The following SEC14L6 variants were observed in gnomAD, a reference collection of about 807,000 sequenced individuals.
SEC14L6 encodes the protein SEC14 like lipid binding 6.
SEC14L6 carries 40 observed loss-of-function variants against 54.1 expected under a neutral mutation model. That is an observed-to-expected ratio of 0.74 (90% CI 0.57 to 0.96). SEC14L6 has a LOEUF of 0.96. SEC14L6 is among the 40% of genes least tolerant of loss of function. The pLI, the probability that SEC14L6 is intolerant of heterozygous loss-of-function variation, is 0.00. For synonymous variants in SEC14L6, 171 were observed against 198.4 expected (o/e 0.86, Z 1.16); for missense variants, 471 against 498.3 (o/e 0.95, Z 0.52).
intron 1 of SEC14L6, among the ~76,000 whole-genome samples, chr22:30,542,140 C>G (rs892074066): frequency 6.6e-6 from 1 of 152,174 alleles, no homozygotes. Flanking sequence ...CCTCCCCATC[C>G]GTCTCGCGAC....
chr22:30,545,075 G>C (rs141325068), intron 1 of SEC14L6, among the ~76,000 whole-genome samples: 4 of 152,084 alleles, frequency 2.6e-5, no homozygotes, highest in African/African-American at 7.2e-5. Flanking sequence ...CCAAGGACCC[G>C]TCGTTGCCTC....
rs1390510473 is a variant in SEC14L6, at chr22:30,525,188, T to C, written c.1082-79A>G. ...CCATGGTGGTAAATCTCTGCGTGGG[T>C]ACCCAGACCAGGGAACCATTGCCAC... On this transcript the variant is annotated intron_variant, in intron 11 of 11. Transcript: ENST00000402034. 2.1e-5 allele frequency: 27 copies of C among 1,265,258 alleles called. No individual in the cohort carries two copies. In the South Asian group the frequency reaches 2.9e-4, roughly 13 times the overall value. The allele number at this position is 1,265,258 out of a possible 1,614,324, so 78.4% of individuals were successfully genotyped here.
At chr22:30,546,403 AAAAG>A (rs1471549697) in intron 1 of SEC14L6, among the ~76,000 whole-genome samples, 108 of 151,670 alleles carry the variant, frequency 7.1e-4, no homozygotes, top group Non-Finnish European at 1.3e-3. Context: ...AAAAAAAAAA[AAAAG>A]GAAGAAAGAA....
chr22:30,544,527 C>T (rs2085779270), intron 1 of SEC14L6, among the ~76,000 whole-genome samples: 1 of 152,148 alleles, frequency 6.6e-6, no homozygotes, highest in African/African-American at 2.4e-5. Context: ...GGAAGATTTC[C>T]CCTTTAGATC....
intron 1 of SEC14L6, chr22:30,542,802 A>G (rs2085748226): frequency 1.9e-6 from 3 of 1,594,874 alleles, no homozygotes; most frequent in East Asian, 2.2e-5. Context: ...CAGGCCGGAA[A>G]TTAATCTACC....
In SEC14L6 at chr22:30,538,850, T is replaced by C. The variant is rs183206173; in HGVS notation, c.107A>G (p.Tyr36Cys). 9.3e-5 allele frequency: 145 copies of C among 1,557,984 alleles called. No homozygotes were observed. The African/African-American group carries it at 1.7e-3, about 18-fold the overall frequency. Reference sequence around the variant, plus strand: ...ACCTTGGAGCCAGCGCAGGAGGAAGTAGTCATCAGGATTGGGCAGCGCAGA... The same window carrying C: ...ACCTTGGAGCCAGCGCAGGAGGAAGCAGTCATCAGGATTGGGCAGCGCAGA... Reference protein sequence around the residue: ...VLSALPNPDDYFLLRWLQARS... With the variant: ...VLSALPNPDDCFLLRWLQARS... The change falls in exon 2 of 12, where the codon TAC becomes TGC. Residue 36 changes from tyrosine to cysteine, a missense_variant. Physicochemically the swap from Tyr to Cys is radical, Grantham distance 194. Transcript: ENST00000402034.
intron 2 of SEC14L6, among the ~76,000 whole-genome samples, chr22:30,534,381 C>G (rs1223673056): frequency 2.0e-5 from 3 of 151,590 alleles, no homozygotes; most frequent in African/African-American, 7.3e-5. Context: ...GCCTCAGGAG[C>G]CCTTAATACT....
Position 30,529,109 on chromosome 22 carries a change from G to C in SEC14L6, c.642C>G (p.Arg214=), listed in dbSNP as rs1369369308. Residue 214 remains arginine, a synonymous_variant, in exon 8 of 12, where the codon CGC becomes CGG. Transcript: ENST00000402034. The stretch of plus-strand genomic sequence containing the variant: ...CACCTCCGAGAATCACCACCTTCCT[G>C]CGTGTCTCTTCACTCATGTAAGACT... ...LVKSYMSEET[R]RKVVILGDNW... 4 of 1,550,984 alleles carry C rather than the reference G, an allele frequency of 2.6e-6. No homozygotes were observed. Among genetic ancestry groups the C allele is most frequent in the Non-Finnish European group, 3.5e-6 (4 of 1,147,074 alleles).
In SEC14L6 at chr22:30,532,721, C is replaced by A. The variant is rs535343088; in HGVS notation, c.235-8G>T. On this transcript the variant is annotated splice_polypyrimidine_tract_variant and splice_region_variant and intron_variant, in intron 4 of 11. Transcript: ENST00000402034. ...GTTGTACAGCCTGACCACCTGGATG[C>A]ATACACAGGAGACGGGGGTTCAGTG... The A allele has an allele frequency of 1.3e-5, 20 of 1,578,834 alleles. No homozygotes were observed. In the Admixed American group the frequency reaches 3.4e-4, roughly 27 times the overall value.
chr22:30,527,343 T>C (rs184888152), intron 8 of SEC14L6, among the ~76,000 whole-genome samples: 32 of 152,010 alleles, frequency 2.1e-4, no homozygotes, highest in African/African-American at 7.5e-4. Flanking sequence ...TAGTCAATTA[T>C]AAAGAAAATG....
At chr22:30,544,261 GC>G in intron 1 of SEC14L6, 1 of 519,844 alleles carries the variant, frequency 1.9e-6, no homozygotes, top group Non-Finnish European at 3.4e-6. Context: ...AGCAGCCACG[GC>G]CCCCTCTCCC....
chr22:30,531,496 G>A (rs145732070), intron 6 of SEC14L6, among the ~76,000 whole-genome samples: 2,650 of 151,438 alleles, frequency 0.017, 50 homozygotes, highest in Middle Eastern at 0.042. Context: ...AGGCCAAGGC[G>A]GGCAGATCAC....
At position 30,525,830 on chromosome 22, in the gene SEC14L6, G is replaced by A. The variant is rs759629933; in HGVS notation, c.767C>T (p.Thr256Ile). The A allele has an allele frequency of 1.2e-6, 2 of 1,613,708 alleles. No individual in the cohort carries two copies. Among genetic ancestry groups the A allele is most frequent in the Admixed American group, 3.3e-5 (2 of 59,982 alleles). ...TDPDGNPKCL[T>I]KINYGGEVPK... is the part of the protein sequence containing the mutation. ...CATCCTCTGGGCACCCTGTACCTTG[G>A]TCAGGCACTTGGGGTTGCCATCGGG... The change falls in exon 9 of 12, where the codon ACC becomes ATC. Residue 256 changes from threonine (T) to isoleucine (I), a missense_variant. By Grantham distance (89) the Thr-to-Ile change is moderately conservative. Coordinates refer to ENST00000402034, the MANE Select transcript of SEC14L6 (RefSeq NM_001193336.4).
chr22:30,535,909 T>G (rs1313989116), intron 2 of SEC14L6, among the ~76,000 whole-genome samples: 3 of 116,148 alleles, frequency 2.6e-5, no homozygotes, highest in Non-Finnish European at 5.5e-5. Flanking sequence ...TTTTTTTTTT[T>G]GTAGAGATGG....
intron 5 of SEC14L6, 37 bp from the exon 6 acceptor site, chr22:30,532,035 G>A: frequency 6.5e-7 from 1 of 1,542,800 alleles, no homozygotes; most frequent in Admixed American, 2.0e-5. Context: ...CCCTGTGAGG[G>A]CCACTGCCCC....
At chr22:30,527,331 AAT>A (rs1295834506) in intron 8 of SEC14L6, among the ~76,000 whole-genome samples, 1 of 152,070 alleles carries the variant, frequency 6.6e-6, no homozygotes, top group Non-Finnish European at 1.5e-5. Context: ...AACAAATTAA[AAT>A]AGTCAATTAT....
At chr22:30,530,043 A>C (rs1333586869) in intron 6 of SEC14L6, among the ~76,000 whole-genome samples, 1 of 152,198 alleles carries the variant, frequency 6.6e-6, no homozygotes, top group African/African-American at 2.4e-5. Context: ...GATTCCTACA[A>C]ATGAGTCCCA....
chr22:30,541,564 CAG>C (rs1296748032), intron 1 of SEC14L6, among the ~76,000 whole-genome samples: 4 of 151,962 alleles, frequency 2.6e-5, no homozygotes, highest in African/African-American at 4.8e-5. Flanking sequence ...GACGCTGAGG[CAG>C]AGAGTCATTT....
intron 3 of SEC14L6, 144 bp from the exon 4 acceptor site, chr22:30,533,000 G>GGGGGATGGAAACAGGAT (rs934516690): frequency 6.7e-7 from 1 of 1,490,030 alleles, no homozygotes; most frequent in Non-Finnish European, 8.9e-7. Flanking sequence ...ACATAGAACT[G>GGGGGATGGAAACAGGAT]GGGGATGGAA....
Sources: allele counts gnomAD v4.1 joint callset (sites outside exome capture counted in the v4.1 genomes callset), GRCh38; gene constraint gnomAD v4.1.1; transcripts MANE v1.5; gene names NCBI Gene and HGNC (gene_info 2026-07-23, HGNC 2026-07-21).